The following RNF38 variants were observed in gnomAD, a reference collection of about 807,000 sequenced individuals.
RNF38 encodes the protein E3 ubiquitin-protein ligase RNF38.
RNF38 carries 15 observed loss-of-function variants against 67.2 expected under a neutral mutation model. The ratio of observed to expected loss-of-function variants is 0.22; its 90% CI spans 0.15 to 0.34. The LOEUF (loss-of-function observed/expected upper bound fraction) is 0.34, where lower values mean the gene tolerates loss of function less well. RNF38 is among the 10% of genes least tolerant of loss of function. RNF38 has a pLI of 1.00. For synonymous variants in RNF38, 220 were observed against 218.8 expected (o/e 1.01, Z -0.05); for missense variants, 524 against 639.9 (o/e 0.82, Z 1.95).
At chr9:36,474,054 C>T (rs1305899250) in intron 1 of RNF38, among the ~76,000 whole-genome samples, 2 of 151,250 alleles carry the variant, frequency 1.3e-5, no homozygotes, top group Non-Finnish European at 2.9e-5. Context: ...TGGCTCACAC[C>T]TCTAATCCCA....
intron 9 of RNF38, 56 bp downstream of exon 9, chr9:36,351,059 A>G: frequency 7.9e-7 from 1 of 1,265,638 alleles, no homozygotes; most frequent in Non-Finnish European, 1.1e-6. Flanking sequence ...GTTAAGTAGA[A>G]TAATACTTTC....
chr9:36,399,529 T>G (rs2480456), intron 1 of RNF38, among the ~76,000 whole-genome samples: 1 of 148,082 alleles, frequency 6.8e-6, no homozygotes, highest in Non-Finnish European at 1.5e-5. Context: ...AATAAATATA[T>G]TATAAATATA....
intron 3 of RNF38, among the ~76,000 whole-genome samples, chr9:36,371,205 T>A (rs1433422282): frequency 6.6e-6 from 1 of 152,148 alleles, no homozygotes; most frequent in African/African-American, 2.4e-5. Context: ...ATCTTCCCAC[T>A]CTGTTCCTCT....
chr9:36,401,047 C>G (rs1289466094), upstream of RNF38: 1 of 984,760 alleles, frequency 1.0e-6, no homozygotes, highest in Non-Finnish European at 1.2e-6. Flanking sequence ...GGTCCTCCCA[C>G]TTCTTGGGTC....
At chr9:36,424,729 A>G (rs1838724821) in intron 1 of RNF38, 1 of 785,588 alleles carries the variant, frequency 1.3e-6, no homozygotes, top group Non-Finnish European at 1.5e-6. Flanking sequence ...AATTCCTTAC[A>G]TTTAAACTGC....
At position 36,369,725 on chromosome 9, in the gene RNF38, A is replaced by G. The variant is rs766589480; in HGVS notation, c.564T>C (p.His188=). 5.0e-6 allele frequency: 8 copies of G among 1,608,838 alleles called. No homozygotes were observed. The highest frequency in any genetic ancestry group is 5.9e-6 in the Non-Finnish European group (7 of 1,177,028). Residue 188 remains histidine (H), a synonymous_variant, in exon 4 of 12, where the codon CAT becomes CAC. Coordinates refer to ENST00000259605, the MANE Select transcript of RNF38 (RefSeq NM_022781.5). The stretch of plus-strand genomic sequence containing the variant: ...AGACATTCTGTTATTGTACCTGATC[A>G]TGTATGTCAACCATGACTGCATTCT... ...PQQNAVMVDI[H]DQLHQGTVPV...
At chr9:36,395,164 C>G (rs571064674) in intron 1 of RNF38, among the ~76,000 whole-genome samples, 118 of 152,316 alleles carry the variant, frequency 7.7e-4, no homozygotes, top group African/African-American at 2.7e-3. Context: ...TTTGTTTAAT[C>G]TGGCCATTCT....
chr9:36,409,805 G>A (rs1475664908), intron 2 of RNF38, among the ~76,000 whole-genome samples: 3 of 152,120 alleles, frequency 2.0e-5, no homozygotes, highest in Non-Finnish European at 4.4e-5. Flanking sequence ...CATTCTACAG[G>A]CCCTCCAGAC....
chr9:36,484,361 T>A (rs756717241), intron 1 of RNF38, among the ~76,000 whole-genome samples: 27 of 152,210 alleles, frequency 1.8e-4, no homozygotes, highest in Non-Finnish European at 3.5e-4. Flanking sequence ...CCAGCCTGCA[T>A]GTCTAACAGG....
chr9:36,474,645 A>G (rs572138351), intron 1 of RNF38, among the ~76,000 whole-genome samples: 12 of 148,560 alleles, frequency 8.1e-5, no homozygotes, highest in Middle Eastern at 3.4e-3. Context: ...CAATAAGTAT[A>G]ATATGAGTCC....
At chr9:36,443,781 CAG>C (rs574990722) in intron 1 of RNF38, among the ~76,000 whole-genome samples, 5 of 152,130 alleles carry the variant, frequency 3.3e-5, no homozygotes, top group Non-Finnish European at 7.3e-5. Context: ...CTAATGGGAA[CAG>C]AGGTGCTCAG....
intron 1 of RNF38, among the ~76,000 whole-genome samples, chr9:36,391,762 C>T (rs1005238821): frequency 6.6e-6 from 1 of 151,850 alleles, no homozygotes; most frequent in African/African-American, 2.4e-5. Flanking sequence ...TACAGGCGCC[C>T]GCCACCCCGC....
intron 7 of RNF38, 73 bp downstream of exon 7, chr9:36,353,097 T>C (rs1025448662): frequency 3.8e-6 from 5 of 1,301,096 alleles, no homozygotes; most frequent in Non-Finnish European, 5.5e-6. Context: ...TATGGTGAAT[T>C]ATACTAAAAC....
chr9:36,437,175 A>C (rs971551952), intron 1 of RNF38, among the ~76,000 whole-genome samples: 3 of 152,228 alleles, frequency 2.0e-5, no homozygotes, highest in African/African-American at 7.2e-5. Context: ...AGGACCAGGG[A>C]GAGAATTCAT....
intron 1 of RNF38, 103 bp downstream of exon 1, chr9:36,399,994 A>G (rs1837876056): frequency 9.6e-7 from 1 of 1,037,244 alleles, no homozygotes; most frequent in East Asian, 2.5e-5. Context: ...AATGGTGGCA[A>G]TAATTACATG....
intron 1 of RNF38, among the ~76,000 whole-genome samples, chr9:36,467,000 G>A (rs928267250): frequency 1.2e-4 from 17 of 146,714 alleles, no homozygotes; most frequent in African/African-American, 3.3e-4. Context: ...TCAACATGGC[G>A]AAACCCCGTC....
chr9:36,438,626 T>C (rs1165470227), intron 1 of RNF38, among the ~76,000 whole-genome samples: 1 of 152,066 alleles, frequency 6.6e-6, no homozygotes, highest in Non-Finnish European at 1.5e-5. Flanking sequence ...TTGTCTACAA[T>C]AGCAAAGCTT....
intron 2 of RNF38, among the ~76,000 whole-genome samples, chr9:36,418,325 T>C (rs375590085): frequency 6.0e-4 from 90 of 150,802 alleles, no homozygotes; most frequent in Middle Eastern, 3.4e-3. Context: ...CATGAGCCAC[T>C]GCGCCTGGCC....
At chr9:36,365,584 TAA>T (rs1033133720) in intron 4 of RNF38, among the ~76,000 whole-genome samples, 10 of 151,062 alleles carry the variant, frequency 6.6e-5, no homozygotes, top group African/African-American at 2.4e-4. Flanking sequence ...AAAAAATAAA[TAA>T]GTTTTCTTTA....
Sources: allele counts gnomAD v4.1 joint callset (sites outside exome capture counted in the v4.1 genomes callset), GRCh38; gene constraint gnomAD v4.1.1; transcripts MANE v1.5; gene names NCBI Gene and HGNC (gene_info 2026-07-23, HGNC 2026-07-21).